The following UTRN variants were observed in gnomAD, a reference collection of about 807,000 sequenced individuals.
The protein encoded by UTRN is utrophin.
UTRN carries 283 observed loss-of-function variants against 463.9 expected under a neutral mutation model. The ratio of observed to expected loss-of-function variants is 0.61; its 90% confidence interval spans 0.55 to 0.67. The LOEUF (loss-of-function observed/expected upper bound fraction) is 0.67, where lower values mean the gene tolerates loss of function less well. UTRN is among the 30% of genes least tolerant of loss of function. UTRN has a pLI of 0.00. For missense variants in UTRN, 3,922 were observed against 4,084.3 expected (o/e 0.96, Z 1.08); for synonymous variants, 1,442 against 1,431.5 (o/e 1.01, Z -0.17).
chr6:144,816,243 G>A (rs1779067264), intron 65 of UTRN, among the ~76,000 whole-genome samples: 1 of 152,102 alleles, frequency 6.6e-6, no homozygotes, highest in Non-Finnish European at 1.5e-5. Context: ...GGAGGGACCT[G>A]TAAATTAAAA....
intron 6 of UTRN, among the ~76,000 whole-genome samples, 161 bp from the exon 7 acceptor site, chr6:144,426,126 G>C (rs556091873): frequency 2.8e-4 from 42 of 152,274 alleles, no homozygotes; most frequent in Non-Finnish European, 3.2e-4. Flanking sequence ...AAAATGTATT[G>C]CTCTAGTGTC....
At chr6:144,544,571 G>A (rs1354537155) in intron 46 of UTRN, among the ~76,000 whole-genome samples, 5 of 151,904 alleles carry the variant, frequency 3.3e-5, no homozygotes, top group Admixed American at 6.6e-5. Flanking sequence ...CTTGCCGACT[G>A]TACTCATTTC....
chr6:144,824,568 TTATTTATATATATATATATA>T (rs370361983), intron 66 of UTRN, among the ~76,000 whole-genome samples: 5,700 of 69,014 alleles, frequency 0.083, 723 homozygotes, highest in Admixed American at 0.28. Flanking sequence ...ATATAGCATT[TTATTTATATATATATATATA>T]TATATATATA....
chr6:144,596,760 G>A (rs1803686510), intron 51 of UTRN, among the ~76,000 whole-genome samples: 1 of 152,032 alleles, frequency 6.6e-6, no homozygotes, highest in East Asian at 1.9e-4. Flanking sequence ...CAATTATTCT[G>A]TATGCTTGAA....
intron 65 of UTRN, among the ~76,000 whole-genome samples, chr6:144,814,036 G>A (rs903386622): frequency 4.6e-5 from 7 of 152,154 alleles, no homozygotes; most frequent in African/African-American, 1.7e-4. Context: ...AGAGGGTATG[G>A]GGGAACAGGA....
chr6:144,480,097 A>G (rs1584954073), intron 26 of UTRN, 115 bp downstream of exon 26: 2 of 1,252,410 alleles, frequency 1.6e-6, no homozygotes, highest in Middle Eastern at 2.8e-4. Context: ...CATCTTTCAC[A>G]GTAGGTTTTT....
In UTRN at chr6:144,782,637, T is replaced by A. The variant is rs115450386; in HGVS notation, c.8834+514T>A. Among the ~76,000 whole-genome samples the A allele has an allele frequency of 9.7e-3, 1,301 of 134,274 alleles. 14 individuals are homozygous for A. Among genetic ancestry groups the A allele is most frequent in the African/African-American group, 0.036 (1,122 of 31,342 alleles). 88.1% of individuals were successfully genotyped at this position (134,274 alleles called of 152,430 possible). A position where few individuals can be genotyped will look rare whatever the true frequency, so the allele number is the denominator to read the frequency against. On this transcript the variant is annotated intron_variant, in intron 61 of 74. Coordinates refer to ENST00000367545, the MANE Select transcript of UTRN (RefSeq NM_007124.3). ...GGTTATGTGTGTGTGTATATATATATAATATATATATATATGGTGTTTTAA... is the reference window on the plus strand; with the variant it reads ...GGTTATGTGTGTGTGTATATATATAAAATATATATATATATGGTGTTTTAA...
intron 63 of UTRN, among the ~76,000 whole-genome samples, chr6:144,795,031 C>T (rs2128744438): frequency 6.6e-6 from 1 of 152,230 alleles, no homozygotes; most frequent in Middle Eastern, 3.4e-3. Flanking sequence ...AGTCCCCCAC[C>T]CACTGACAGG....
rs758363150 is a variant in UTRN, at chr6:144,286,030, C to T, written c.-93+209C>T. ...GGCCTCAGTTTAGCTCCCCGCGGTGCGAGAGAGAATGCCGGAGGCGTGGAG... is the reference window on the plus strand; with the variant it reads ...GGCCTCAGTTTAGCTCCCCGCGGTGTGAGAGAGAATGCCGGAGGCGTGGAG... On this transcript the variant is annotated intron_variant, in intron 1 of 74. Transcript: ENST00000367545. The surrounding 1 kb of genome is among the most constrained non-coding windows in gnomAD (Gnocchi z 4.4). Among the ~76,000 whole-genome samples, 15 of 152,206 alleles carry T rather than the reference C, an allele frequency of 9.9e-5. No individual in the cohort carries two copies. Among genetic ancestry groups the T allele is most frequent in the South Asian group, 2.1e-4 (1 of 4,832 alleles).
chr6:144,581,608 G>T (rs111252941), intron 51 of UTRN, among the ~76,000 whole-genome samples: 1 of 152,156 alleles, frequency 6.6e-6, no homozygotes, highest in Non-Finnish European at 1.5e-5. Context: ...TGTTTGAGGG[G>T]TGAATGCCTA....
chr6:144,776,488 G>T (rs1470967100), intron 60 of UTRN, among the ~76,000 whole-genome samples: 1 of 152,194 alleles, frequency 6.6e-6, no homozygotes, highest in African/African-American at 2.4e-5. Flanking sequence ...CTCCAAGATT[G>T]TGCAGGAGAT....
At chr6:144,849,633 G>A (rs879880130) in intron 74 of UTRN, among the ~76,000 whole-genome samples, 2 of 151,650 alleles carry the variant, frequency 1.3e-5, no homozygotes, top group Admixed American at 6.6e-5. Context: ...ATTTTTTCAT[G>A]TCTTGGGTCG....
chr6:144,571,545 C>G (rs1800937568), intron 50 of UTRN, among the ~76,000 whole-genome samples: 1 of 152,116 alleles, frequency 6.6e-6, no homozygotes, highest in Non-Finnish European at 1.5e-5. Flanking sequence ...AAATTGTCTG[C>G]TGATATCCTA....
intron 2 of UTRN, among the ~76,000 whole-genome samples, chr6:144,348,201 C>T (rs776710555): frequency 6.6e-6 from 1 of 152,084 alleles, no homozygotes; most frequent in Non-Finnish European, 1.5e-5. Flanking sequence ...AGGAGGTTGA[C>T]GACCACACTC....
chr6:144,377,325 C>T (rs557167568), intron 2 of UTRN, among the ~76,000 whole-genome samples: 6 of 152,270 alleles, frequency 3.9e-5, no homozygotes, highest in East Asian at 1.9e-4. Context: ...GTGTGAGCCA[C>T]GGTGCCCGGC....
chr6:144,623,533 A>C (rs1775644668), intron 51 of UTRN, among the ~76,000 whole-genome samples: 1 of 152,188 alleles, frequency 6.6e-6, no homozygotes, highest in Non-Finnish European at 1.5e-5. Flanking sequence ...AAGATTGAAG[A>C]TTGCTTTTAA....
At chr6:144,346,356 G>T (rs1400958131) in intron 2 of UTRN, among the ~76,000 whole-genome samples, 1 of 151,482 alleles carries the variant, frequency 6.6e-6, no homozygotes, top group African/African-American at 2.4e-5. Context: ...GTATTTCAGT[G>T]CATGTTATTT....
chr6:144,293,032 G>C (rs759451193), intron 2 of UTRN, among the ~76,000 whole-genome samples: 2 of 152,140 alleles, frequency 1.3e-5, no homozygotes, highest in East Asian at 3.8e-4. Context: ...TCTTTTGAAG[G>C]TATAGCTTAA....
chr6:144,653,015 A>G (rs1047642967), intron 51 of UTRN, among the ~76,000 whole-genome samples: 3 of 151,606 alleles, frequency 2.0e-5, no homozygotes, highest in African/African-American at 7.2e-5. Context: ...CTATCTAATG[A>G]TTTAATTTTG....
Sources: allele counts gnomAD v4.1 joint callset (sites outside exome capture counted in the v4.1 genomes callset), GRCh38; gene constraint gnomAD v4.1.1; non-coding constraint Gnocchi (gnomAD v3.1); transcripts MANE v1.5; gene names NCBI Gene and HGNC (gene_info 2026-07-23, HGNC 2026-07-21).